Variants in HPSE2 observed in about 807,000 individuals in gnomAD.
HPSE2 encodes inactive heparanase-2.
HPSE2 carries 38 observed loss-of-function variants against 60.5 expected under a neutral mutation model. That is an observed-to-expected ratio of 0.63 (90% CI 0.48 to 0.82). The LOEUF (loss-of-function observed/expected upper bound fraction) is 0.82. Among genes scored for constraint, HPSE2 ranks in the 40% least tolerant of loss-of-function variants. HPSE2 has a pLI of 0.00. For missense variants in HPSE2, 713 were observed against 740.4 expected, an observed-to-expected ratio of 0.96 and a Z score of 0.43; for synonymous variants, 295 against 293.2, an observed-to-expected ratio of 1.01 and a Z score of -0.06.
the HPSE2 span, among the ~76,000 whole-genome samples, chr10:99,248,834 C>T: frequency 1.3e-5 from 2 of 152,210 alleles, no homozygotes; most frequent in Admixed American, 6.5e-5. Flanking sequence ...CCCAGCCCTC[C>T]AGCTCAAGCC....
At chr10:99,158,497 G>A (rs1263265440) in intron 2 of HPSE2, among the ~76,000 whole-genome samples, 9 of 129,896 alleles carry the variant, frequency 6.9e-5, no homozygotes, top group Non-Finnish European at 9.7e-5. Context: ...GTAAACTATC[G>A]CAAGAACAAA....
intron 3 of HPSE2, among the ~76,000 whole-genome samples, chr10:98,938,754 A>G (rs1473129688): frequency 3.5e-5 from 5 of 143,394 alleles, no homozygotes; most frequent in Admixed American, 6.9e-5. Flanking sequence ...GATACTCCTC[A>G]AGAAGAGCAA....
chr10:99,098,703 A>G (rs996931160), intron 3 of HPSE2, among the ~76,000 whole-genome samples: 21 of 152,172 alleles, frequency 1.4e-4, no homozygotes, highest in Non-Finnish European at 2.8e-4. Flanking sequence ...ATGTTCTGAA[A>G]TTTCCATAAG....
intron 3 of HPSE2, among the ~76,000 whole-genome samples, chr10:99,019,072 T>A (rs544182215): frequency 1.1e-4 from 17 of 152,150 alleles, no homozygotes; most frequent in Non-Finnish European, 2.2e-4. Flanking sequence ...AAAGAATTCA[T>A]TGGCAGCCCT....
At chr10:98,764,702 C>T (rs754621172) in intron 3 of HPSE2, among the ~76,000 whole-genome samples, 1 of 151,858 alleles carries the variant, frequency 6.6e-6, no homozygotes. Flanking sequence ...TAAAAAAACA[C>T]AAAAATTAGC....
intron 3 of HPSE2, among the ~76,000 whole-genome samples, chr10:99,102,875 CAAAA>C (rs1247512842): frequency 1.3e-5 from 2 of 152,106 alleles, no homozygotes; most frequent in Non-Finnish European, 2.9e-5. Context: ...GAACCAAAGA[CAAAA>C]ACCACATGAT....
intron 3 of HPSE2, among the ~76,000 whole-genome samples, chr10:98,908,182 A>C (rs1259657752): frequency 6.6e-6 from 1 of 152,184 alleles, no homozygotes; most frequent in African/African-American, 2.4e-5. Context: ...ATAATCATAT[A>C]AGGTAGGTAG....
At chr10:98,557,425 T>A (rs1289998912) in intron 9 of HPSE2, among the ~76,000 whole-genome samples, 2 of 152,236 alleles carry the variant, frequency 1.3e-5, no homozygotes, top group Non-Finnish European at 2.9e-5. Flanking sequence ...AATATTCATA[T>A]GGAAAAATGT....
intron 3 of HPSE2, among the ~76,000 whole-genome samples, chr10:98,810,239 C>T (rs1390202083): frequency 6.6e-6 from 1 of 152,022 alleles, no homozygotes; most frequent in Non-Finnish European, 1.5e-5. Context: ...ATCTGCTTCC[C>T]CTGTAAGACT....
chr10:98,485,822 C>A (rs765044604), intron 10 of HPSE2, among the ~76,000 whole-genome samples: 19 of 152,158 alleles, frequency 1.2e-4, no homozygotes, highest in Non-Finnish European at 1.9e-4. Flanking sequence ...AGGAGAGAGC[C>A]ACATGCTTGC....
chr10:99,194,306 C>G (rs1460430631), intron 2 of HPSE2, among the ~76,000 whole-genome samples: 2 of 151,652 alleles, frequency 1.3e-5, no homozygotes, highest in East Asian at 1.9e-4. Flanking sequence ...GCAATAAATA[C>G]CTACATCAAA....
chr10:98,823,013 AAGTT>A (rs761611149), intron 3 of HPSE2, among the ~76,000 whole-genome samples: 2 of 152,244 alleles, frequency 1.3e-5, no homozygotes, highest in Non-Finnish European at 2.9e-5. Flanking sequence ...GGTGGGGTCA[AAGTT>A]AGATAGGAGG....
chr10:99,039,133 T>C (rs1957677578), intron 3 of HPSE2, among the ~76,000 whole-genome samples: 1 of 152,180 alleles, frequency 6.6e-6, no homozygotes, highest in Non-Finnish European at 1.5e-5. Flanking sequence ...GTCTAATCCT[T>C]AAAGACTTTT....
At chr10:99,189,499 T>C (rs760113604) in intron 2 of HPSE2, among the ~76,000 whole-genome samples, 10 of 152,198 alleles carry the variant, frequency 6.6e-5, no homozygotes, top group Non-Finnish European at 1.5e-4. Flanking sequence ...TAAGCGGTTC[T>C]GTCATTGTGT....
intron 4 of HPSE2, among the ~76,000 whole-genome samples, chr10:98,725,801 C>T (rs1425529169): frequency 6.6e-6 from 1 of 152,080 alleles, no homozygotes; most frequent in Admixed American, 6.6e-5. Flanking sequence ...AAGAAAAAAA[C>T]AACCCCATCA....
intron 6 of HPSE2, among the ~76,000 whole-genome samples, chr10:98,650,578 T>A (rs1946889181): frequency 6.6e-6 from 1 of 152,224 alleles, no homozygotes; most frequent in Admixed American, 6.5e-5. Context: ...ATTGGTTGAA[T>A]AATAACTTTC....
In HPSE2 at chr10:99,068,761, A is replaced by C. The variant is rs191028639; in HGVS notation, c.610+75477T>G. ...TATGAAAAGAAAGAGAGGAAAGATC[A>C]TCAAAATCATGAATGAAAGAGGGCA... is the stretch of plus-strand genomic sequence containing the variant. On this transcript the variant is annotated intron_variant, in intron 3 of 11. Transcript: ENST00000370552. Among the ~76,000 whole-genome samples, 3 of 152,370 alleles carry C rather than the reference A, an allele frequency of 2.0e-5. No individual in the cohort carries two copies. In the East Asian group the frequency reaches 5.8e-4, roughly 29 times the overall value.
intron 9 of HPSE2, among the ~76,000 whole-genome samples, chr10:98,500,143 T>C (rs922937230): frequency 1.1e-4 from 16 of 152,002 alleles, no homozygotes; most frequent in African/African-American, 3.6e-4. Flanking sequence ...AAAGAAACAA[T>C]GGATTTAAAC....
At chr10:98,641,747 T>G in intron 7 of HPSE2, 100 bp downstream of exon 7, 1 of 890,186 alleles carries the variant, frequency 1.1e-6, no homozygotes, top group Non-Finnish European at 1.9e-6. Flanking sequence ...ATTTTTCTAC[T>G]CTGGTTCCCA....
Sources: allele counts gnomAD v4.1 joint callset (sites outside exome capture counted in the v4.1 genomes callset), GRCh38; gene constraint gnomAD v4.1.1; transcripts MANE v1.5; gene names NCBI Gene and HGNC (gene_info 2026-07-23, HGNC 2026-07-21).